The following FHOD3 variants were observed in gnomAD, a reference collection of about 807,000 sequenced individuals.
FHOD3 encodes the protein FH1/FH2 domain-containing protein 3.
Under a neutral mutation model 173.0 loss-of-function variants are expected in FHOD3, and 90 were observed. That is an observed-to-expected ratio of 0.52 (90% CI 0.44 to 0.62). The LOEUF (loss-of-function observed/expected upper bound fraction) is 0.62. Among genes scored for constraint, FHOD3 ranks in the 20% least tolerant of loss-of-function variants. FHOD3 has a pLI of 0.00. For synonymous variants in FHOD3, 828 were observed against 823.0 expected (o/e 1.01, Z -0.10); for missense variants, 1,945 against 2,034.7 (o/e 0.96, Z 0.85).
intron 5 of FHOD3, among the ~76,000 whole-genome samples, chr18:36,522,033 G>A (rs1470119793): frequency 5.9e-5 from 9 of 152,182 alleles, no homozygotes; most frequent in South Asian, 2.1e-4. Flanking sequence ...TGGTTCCCGA[G>A]TATTTTGGCC....
chr18:36,464,081 A>G (rs2052758855), intron 3 of FHOD3, among the ~76,000 whole-genome samples: 1 of 152,210 alleles, frequency 6.6e-6, no homozygotes, highest in Non-Finnish European at 1.5e-5. Flanking sequence ...AATTCTATTT[A>G]GTCAGAAGAG....
rs555991677 is a variant in FHOD3, at chr18:36,760,575, C to T, written c.4450-33C>T. 4.6e-6 allele frequency: 7 copies of T among 1,524,192 alleles called. No homozygotes were observed. In the African/African-American group the frequency reaches 7.0e-5, roughly 15 times the overall value. The allele number at this position is 1,524,192 out of a possible 1,614,324, so 94.4% of individuals were successfully genotyped here. A position where few individuals can be genotyped will look rare whatever the true frequency, so the allele number is the denominator to read the frequency against. On this transcript the variant is annotated intron_variant, in intron 26 of 28. Transcript: ENST00000590592. ...CTTGAGTTGTCTTTTTGGGGAGTCT[C>T]CCTCACCTGCTAACTTCCCCTTGGT...
chr18:36,694,424 C>T (rs1402486479), intron 17 of FHOD3, among the ~76,000 whole-genome samples: 2 of 152,196 alleles, frequency 1.3e-5, no homozygotes, highest in African/African-American at 4.8e-5. Flanking sequence ...TCCACAGCTT[C>T]CCGTGACATC....
intron 6 of FHOD3, among the ~76,000 whole-genome samples, chr18:36,581,251 T>C (rs1009785835): frequency 1.3e-5 from 2 of 152,108 alleles, no homozygotes; most frequent in South Asian, 4.1e-4. Context: ...AGGATGTGGA[T>C]TTTTTTCTCT....
rs1599513284 is a variant in FHOD3 at position 36,525,864 on chromosome 18, C to G, written c.511+13321C>G. ...GCAATAAAGGACTCTCTTCCACACA[C>G]AAAAGAGTGACTAATGGAGAAGGCA... On this transcript the variant is annotated intron_variant, in intron 5 of 28. Transcript: ENST00000590592. Among the ~76,000 whole-genome samples the G allele has an allele frequency of 2.0e-5, 3 of 152,312 alleles. 1 individual carries two copies. The highest frequency in any genetic ancestry group is 2.0e-4 in the Admixed American group (3 of 15,306).
intron 19 of FHOD3, among the ~76,000 whole-genome samples, chr18:36,720,960 C>G (rs2040752949): frequency 6.6e-6 from 1 of 152,106 alleles, no homozygotes; most frequent in South Asian, 2.1e-4. Context: ...TTCATTTTTA[C>G]AAGATTAAAA....
At chr18:36,595,909 A>G (rs1032951407) in intron 7 of FHOD3, among the ~76,000 whole-genome samples, 4 of 152,248 alleles carry the variant, frequency 2.6e-5, no homozygotes, top group Non-Finnish European at 5.9e-5. Context: ...TTTTATGATT[A>G]TAACTGTAAT....
intron 5 of FHOD3, among the ~76,000 whole-genome samples, chr18:36,555,581 T>G (rs1406148624): frequency 2.0e-5 from 3 of 152,126 alleles, no homozygotes; most frequent in South Asian, 2.1e-4. Flanking sequence ...TTTTATATAC[T>G]TATTTTCTGT....
At chr18:36,332,813 C>T (rs2045092067) in intron 1 of FHOD3, among the ~76,000 whole-genome samples, 1 of 152,208 alleles carries the variant, frequency 6.6e-6, no homozygotes, top group African/African-American at 2.4e-5. Context: ...GCCTGGGCCC[C>T]AGCCATAGAA....
At chr18:36,444,118 G>A (rs578019381) in intron 3 of FHOD3, among the ~76,000 whole-genome samples, 164 of 151,294 alleles carry the variant, frequency 1.1e-3, no homozygotes, top group African/African-American at 3.8e-3. Context: ...GCGTGAACCC[G>A]GGAGGTGGAG....
At chr18:36,763,223 TTA>T (rs1440285527) in intron 27 of FHOD3, among the ~76,000 whole-genome samples, 2 of 147,112 alleles carry the variant, frequency 1.4e-5, no homozygotes, top group African/African-American at 4.9e-5. Flanking sequence ...GTACTATACG[TTA>T]TATACAATAT....
chr18:36,513,273 G>A (rs780201499), intron 5 of FHOD3, among the ~76,000 whole-genome samples: 5 of 151,448 alleles, frequency 3.3e-5, no homozygotes, highest in Non-Finnish European at 5.9e-5. Flanking sequence ...CAACAGTTTT[G>A]ACCTACAAAA....
At position 36,779,764 on chromosome 18, in the gene FHOD3, C is replaced by T. The variant is rs1378622787; in HGVS notation, c.*234C>T. 18 of 544,950 alleles carry T rather than the reference C, an allele frequency of 3.3e-5. No homozygotes were observed. The highest frequency in any genetic ancestry group is 8.8e-5 in the East Asian group (3 of 34,260). 33.8% of individuals were successfully genotyped at this position (544,950 alleles called of 1,614,324 possible). On this transcript the variant is annotated 3_prime_UTR_variant, in exon 29 of 29. Coordinates refer to ENST00000590592, the MANE Select transcript of FHOD3 (RefSeq NM_001281740.3). ...GTGTCAGCTGTGTTTCTCTTGATTC[C>T]GTGACACCCGGTTTATTAGTTCAAA...
chr18:36,397,094 T>C (rs1330853682), intron 3 of FHOD3, among the ~76,000 whole-genome samples: 1 of 152,210 alleles, frequency 6.6e-6, no homozygotes, highest in African/African-American at 2.4e-5. Flanking sequence ...TTTTAAGAAT[T>C]CATAGAAGCT....
chr18:36,485,481 A>G (rs1248808798), intron 3 of FHOD3, among the ~76,000 whole-genome samples: 1 of 152,196 alleles, frequency 6.6e-6, no homozygotes, highest in Admixed American at 6.5e-5. Flanking sequence ...AGCAGCTCCC[A>G]GTCCCTGCTC....
chr18:36,460,058 C>G (rs1261886430), intron 3 of FHOD3, among the ~76,000 whole-genome samples: 1 of 152,186 alleles, frequency 6.6e-6, no homozygotes, highest in Non-Finnish European at 1.5e-5. Flanking sequence ...TCTTTCTCAT[C>G]ATTAGAATGG....
chr18:36,687,523 C>T (rs2038703283), intron 16 of FHOD3, among the ~76,000 whole-genome samples: 1 of 152,184 alleles, frequency 6.6e-6, no homozygotes, highest in Non-Finnish European at 1.5e-5. Context: ...AGCACTCCTT[C>T]AAGAAATATT....
chr18:36,356,816 T>C (rs1026815410), intron 2 of FHOD3, among the ~76,000 whole-genome samples: 1 of 152,094 alleles, frequency 6.6e-6, no homozygotes, highest in Admixed American at 6.6e-5. Flanking sequence ...TTGTATTTTT[T>C]AGTAGAGATG....
At chr18:36,737,466 C>T (rs942920371) in intron 20 of FHOD3, among the ~76,000 whole-genome samples, 9 of 152,194 alleles carry the variant, frequency 5.9e-5, no homozygotes, top group African/African-American at 2.2e-4. Flanking sequence ...TTAATGCCAT[C>T]TGCATGAACA....
Sources: gnomAD v4.1 joint callset for allele counts (sites outside exome capture counted in the v4.1 genomes callset) on GRCh38, gnomAD v4.1.1 for gene constraint, MANE v1.5 for transcripts, NCBI Gene and HGNC (gene_info 2026-07-23, HGNC 2026-07-21) for gene names.